Variants in EIF4H observed in about 807,000 individuals in gnomAD.
EIF4H encodes eukaryotic translation initiation factor 4H, also known as Williams-Beuren syndrome chromosome region 1.
EIF4H carries 8 observed loss-of-function variants against 30.6 expected under a neutral mutation model. The ratio of observed to expected loss-of-function variants is 0.26; its 90% CI spans 0.15 to 0.47. EIF4H has a LOEUF of 0.47. Among genes scored for constraint, EIF4H ranks in the 20% least tolerant of loss-of-function variants. The pLI is 0.99. For missense variants in EIF4H, 188 were observed against 339.5 expected (o/e 0.55, Z 3.51); for synonymous variants, 106 against 122.7 (o/e 0.86, Z 0.90).
chr7:74,184,665 T>G (rs1801042763), intron 1 of EIF4H, among the ~76,000 whole-genome samples: 1 of 152,092 alleles, frequency 6.6e-6, no homozygotes, highest in Non-Finnish European at 1.5e-5. Flanking sequence ...TTGTTTGGTT[T>G]TGTTGTTGTT....
chr7:74,191,008 G>A lies in EIF4H; in HGVS notation c.469+702G>A, dbSNP rs556234967. Among the ~76,000 whole-genome samples the A allele has an allele frequency of 2.6e-5, 4 of 152,322 alleles. No individual in the cohort carries two copies. The East Asian group carries it at 7.7e-4, about 29-fold the overall frequency. ...GTTTTCTTTCCCGCAAACTTGGGAT[G>A]TGCTGTCAATGCTGTGCTGTATAGA... is the stretch of plus-strand genomic sequence containing the variant. On this transcript the variant is annotated intron_variant, in intron 5 of 6. Coordinates refer to ENST00000265753, the MANE Select transcript of EIF4H (RefSeq NM_022170.2).
At chr7:74,183,367 G>A (rs1801008934) in intron 1 of EIF4H, among the ~76,000 whole-genome samples, 1 of 152,146 alleles carries the variant, frequency 6.6e-6, no homozygotes, top group Non-Finnish European at 1.5e-5. Context: ...CCAGCCCAGT[G>A]TAGCCTCAGG....
At chr7:74,186,543 A>G (rs1469666157) in intron 1 of EIF4H, among the ~76,000 whole-genome samples, 8 of 152,168 alleles carry the variant, frequency 5.3e-5, no homozygotes, top group Non-Finnish European at 7.3e-5. Flanking sequence ...TAACTTCTCA[A>G]GGTCATATGC....
intron 1 of EIF4H, among the ~76,000 whole-genome samples, chr7:74,176,926 A>G (rs1367024731): frequency 1.3e-5 from 2 of 152,226 alleles, no homozygotes; most frequent in African/African-American, 4.8e-5. Context: ...CATTGGCAGT[A>G]AAGTGCAGAG....
intron 1 of EIF4H, among the ~76,000 whole-genome samples, chr7:74,181,534 C>T (rs552460808): frequency 2.0e-5 from 3 of 152,084 alleles, no homozygotes; most frequent in East Asian, 1.9e-4. Flanking sequence ...TGGGTTCAAG[C>T]GATTCTCCTG....
intron 4 of EIF4H, 106 bp from the exon 5 acceptor site, chr7:74,190,141 T>C (rs1355508689): frequency 2.4e-6 from 3 of 1,252,252 alleles, no homozygotes; most frequent in African/African-American, 3.0e-5. Flanking sequence ...ATGATTTCAT[T>C]GAACCTTCCA....
chr7:74,195,311 C>T lies in EIF4H; in HGVS notation c.*3C>T, dbSNP rs1447066597. 1 of 1,613,250 alleles carries T rather than the reference C, an allele frequency of 6.2e-7. No individual in the cohort carries two copies. The highest frequency in any genetic ancestry group is 8.5e-7 in the Non-Finnish European group (1 of 1,179,598). ...TCGTTCAAAAGGAGCAAGAATGAGC[C>T]TGCGGTTGGGAGGGAATGGGGCGTG... is the stretch of plus-strand genomic sequence containing the variant. On this transcript the variant is annotated 3_prime_UTR_variant, in exon 7 of 7. Transcript: ENST00000265753.
At chr7:74,195,105 T>C in intron 6 of EIF4H, 64 bp from the exon 7 acceptor site, 1 of 1,589,622 alleles carries the variant, frequency 6.3e-7, no homozygotes, top group Non-Finnish European at 8.6e-7. Context: ...AACATCAGCA[T>C]GGTCGTTTTG....
intron 1 of EIF4H, among the ~76,000 whole-genome samples, chr7:74,185,826 G>A (rs1222187176): frequency 6.6e-6 from 1 of 151,844 alleles, no homozygotes; most frequent in Non-Finnish European, 1.5e-5. Flanking sequence ...TTATTTGAAC[G>A]CATTTCCCGT....
Position 74,187,734 on chromosome 7 carries a change from C to T in EIF4H, c.183C>T (p.Ile61=), listed in dbSNP as rs1554709386. 1 of 1,613,784 alleles carries T rather than the reference C, an allele frequency of 6.2e-7. No homozygotes were observed. Among genetic ancestry groups the T allele is most frequent in the African/African-American group, 1.3e-5 (1 of 74,896 alleles). The change falls in exon 2 of 7, where the codon ATC becomes ATT. Residue 61 remains isoleucine, a synonymous_variant. Coordinates refer to ENST00000265753, the MANE Select transcript of EIF4H (RefSeq NM_022170.2). ...FNTVQGDIDA[I]FKDLSIRSVR... ...CGGTTCAGGGCGACATAGATGCTAT[C>T]TTTAAGGATCTCAGCATAAGGAGTG... is the stretch of plus-strand genomic sequence containing the variant.
intron 2 of EIF4H, 66 bp from the exon 3 acceptor site, chr7:74,189,607 T>TAGG: frequency 6.3e-7 from 1 of 1,582,318 alleles, no homozygotes; most frequent in Non-Finnish European, 8.6e-7. Context: ...GTAGTATGAA[T>TAGG]AGGATCTTCC....
chr7:74,190,402 T>C lies in EIF4H; in HGVS notation c.469+96T>C, dbSNP rs558042353. ...GTAGCCCGCCTGGCCGGACTACTTA[T>C]TTAGTTCCTTTAACAAATACAACTC... On this transcript the variant is annotated intron_variant, in intron 5 of 6. Transcript: ENST00000265753. The C allele has an allele frequency of 7.6e-5, 92 of 1,213,468 alleles. No individual in the cohort carries two copies. The African/African-American group carries it at 8.0e-4, about 11-fold the overall frequency. 75.2% of individuals were successfully genotyped at this position (1,213,468 alleles called of 1,614,324 possible). A position where few individuals can be genotyped will look rare whatever the true frequency, so the allele number is the denominator to read the frequency against.
At chr7:74,181,649 G>T (rs1001866127) in intron 1 of EIF4H, among the ~76,000 whole-genome samples, 9 of 151,926 alleles carry the variant, frequency 5.9e-5, no homozygotes, top group African/African-American at 2.2e-4. Flanking sequence ...TCTACATGTT[G>T]GTCAGGCTGG....
intron 1 of EIF4H, among the ~76,000 whole-genome samples, chr7:74,186,844 A>G (rs1801094725): frequency 1.1e-5 from 1 of 89,212 alleles, no homozygotes; most frequent in South Asian, 4.4e-4. Flanking sequence ...TTTTTTTGAG[A>G]CGGAGTCTCT....
intron 5 of EIF4H, among the ~76,000 whole-genome samples, chr7:74,193,818 G>T (rs551790485): frequency 6.6e-6 from 1 of 151,988 alleles, no homozygotes; most frequent in Non-Finnish European, 1.5e-5. Context: ...TCACTGTGTT[G>T]CCCAGTCTGG....
chr7:74,177,442 C>A (rs1264565343), intron 1 of EIF4H, among the ~76,000 whole-genome samples: 1 of 152,182 alleles, frequency 6.6e-6, no homozygotes, highest in Non-Finnish European at 1.5e-5. Context: ...CACTATCCAG[C>A]TCCTTAACTC....
chr7:74,186,788 A>ATTTTTT (rs564794579), intron 1 of EIF4H, among the ~76,000 whole-genome samples: 8 of 70,118 alleles, frequency 1.1e-4, no homozygotes, highest in African/African-American at 2.4e-4. Context: ...ACAAGGAGAA[A>ATTTTTT]TTTTTTTTTT....
At chr7:74,195,039 G>C in intron 6 of EIF4H, 130 bp from the exon 7 acceptor site, 1 of 1,522,238 alleles carries the variant, frequency 6.6e-7, no homozygotes, top group Non-Finnish European at 8.9e-7. Context: ...TAGAGCATCT[G>C]CTGTTGGGGT....
At chr7:74,181,868 C>G (rs917390545) in intron 1 of EIF4H, among the ~76,000 whole-genome samples, 1 of 152,078 alleles carries the variant, frequency 6.6e-6, no homozygotes, top group African/African-American at 2.4e-5. Flanking sequence ...AGGCACCTGC[C>G]ACTGTGCCCA....
Sources: allele counts gnomAD v4.1 joint callset (sites outside exome capture counted in the v4.1 genomes callset), GRCh38; gene constraint gnomAD v4.1.1; transcripts MANE v1.5; gene names NCBI Gene and HGNC (gene_info 2026-07-23, HGNC 2026-07-21).